Variants in MALT1 observed in about 807,000 individuals in gnomAD.
The protein encoded by MALT1 is mucosa-associated lymphoid tissue lymphoma translocation protein 1.
In MALT1, 36 loss-of-function variants were observed where a neutral mutation model predicts 85.5. That is an observed-to-expected ratio of 0.42 (90% CI 0.32 to 0.56). The LOEUF is 0.56. Ranked by LOEUF, MALT1 falls within the 20% of genes least tolerant of loss-of-function variation. The probability of loss-of-function intolerance (pLI) is 0.10; values close to 1 mark genes in which losing one functional copy is unlikely to be tolerated. For missense variants in MALT1, 716 were observed against 981.6 expected (o/e 0.73, Z 3.62); for synonymous variants, 359 against 361.3 (o/e 0.99, Z 0.07).
In MALT1 at chr18:58,747,673, G is replaced by GTAATGTTAC; in HGVS notation, c.2307_2315dup (p.Asn770_Thr772dup). On this transcript the variant is annotated inframe_insertion, in exon 17 of 17. Transcript: ENST00000649217. ...TACCATTCACATCCTGGTAATCCAA[G>GTAATGTTAC]TAATGTTACACCAGCAGATAGCTGT... The GTAATGTTAC allele has an allele frequency of 6.2e-7, 1 of 1,614,216 alleles. No homozygotes were observed. Among genetic ancestry groups the GTAATGTTAC allele is most frequent in the South Asian group, 1.1e-5 (1 of 91,086 alleles).
At chr18:58,698,077 T>C (rs1485059322) in intron 3 of MALT1, among the ~76,000 whole-genome samples, 1 of 148,654 alleles carries the variant, frequency 6.7e-6, no homozygotes, top group African/African-American at 2.5e-5. Flanking sequence ...GTTTTTTTGT[T>C]TTTTTTTTGA....
Position 58,671,472 on chromosome 18 carries a change from T to G in MALT1, c.-172T>G. On this transcript the variant is annotated 5_prime_UTR_variant, in exon 1 of 17. Coordinates refer to ENST00000649217, the MANE Select transcript of MALT1 (RefSeq NM_006785.4). The stretch of plus-strand genomic sequence containing the variant: ...GGCCAGGCTCCCCTCGGCAAACCTG[T>G]CTAATTGGGGCGGGGAGCGGAGCTT... The G allele has an allele frequency of 7.5e-6, 3 of 401,410 alleles. No individual in the cohort carries two copies. Among genetic ancestry groups the G allele is most frequent in the Non-Finnish European group, 1.2e-5 (3 of 241,226 alleles). 24.9% of individuals were successfully genotyped at this position (401,410 alleles called of 1,614,324 possible). A position where few individuals can be genotyped will look rare whatever the true frequency, so the allele number is the denominator to read the frequency against.
At chr18:58,690,633 C>T (rs1423732663) in intron 2 of MALT1, 1 of 162,158 alleles carries the variant, frequency 6.2e-6, no homozygotes, top group Admixed American at 6.4e-5. Flanking sequence ...CGTTCACGAC[C>T]CTGGGACCCT....
chr18:58,708,942 G>A (rs779368201), intron 4 of MALT1, among the ~76,000 whole-genome samples: 1 of 152,198 alleles, frequency 6.6e-6, no homozygotes, highest in Non-Finnish European at 1.5e-5. Flanking sequence ...TTCAGTGCGG[G>A]TTACAAAACT....
intron 7 of MALT1, among the ~76,000 whole-genome samples, chr18:58,712,427 T>C (rs2054843286): frequency 6.6e-6 from 1 of 152,218 alleles, no homozygotes; most frequent in African/African-American, 2.4e-5. Context: ...ACAGTCATTA[T>C]GTTAAGTGAA....
Position 58,742,699 on chromosome 18 carries a change from C to T in MALT1, c.1753+685C>T, listed in dbSNP as rs143741663. On this transcript the variant is annotated intron_variant, in intron 14 of 16. Transcript: ENST00000649217. ...CTGCACTCCAGTCTGGGCGACAGAG[C>T]GAGACTCTGTCTCGAAAAGAAAAAG... is the stretch of plus-strand genomic sequence containing the variant. Among the ~76,000 whole-genome samples, 234 of 152,100 alleles carry T rather than the reference C, an allele frequency of 1.5e-3. 1 individual carries two copies. The highest frequency in any genetic ancestry group is 0.015 in the East Asian group (75 of 5,162).
chr18:58,677,001 AAGT>A (rs2054250167), intron 1 of MALT1, among the ~76,000 whole-genome samples: 1 of 152,212 alleles, frequency 6.6e-6, no homozygotes. Flanking sequence ...TATTTTTAAA[AAGT>A]AAAGTACATT....
At chr18:58,675,975 TC>T (rs369632363) in intron 1 of MALT1, among the ~76,000 whole-genome samples, 1 of 152,226 alleles carries the variant, frequency 6.6e-6, no homozygotes, top group African/African-American at 2.4e-5. Flanking sequence ...AACTTCGAAT[TC>T]ATTCCTGACT....
intron 3 of MALT1, among the ~76,000 whole-genome samples, chr18:58,699,931 G>T (rs1322737354): frequency 6.6e-6 from 1 of 152,186 alleles, no homozygotes; most frequent in Admixed American, 6.5e-5. Flanking sequence ...GATATTGTTT[G>T]GTTAAGGAGT....
rs1322120711 is a variant in MALT1, at chr18:58,671,539, C to T, written c.-105C>T. 4 of 698,388 alleles carry T rather than the reference C, an allele frequency of 5.7e-6. No individual in the cohort carries two copies. The highest frequency in any genetic ancestry group is 1.9e-5 in the African/African-American group (1 of 53,634). The allele number at this position is 698,388 out of a possible 1,614,324, so 43.3% of individuals were successfully genotyped here. The stretch of plus-strand genomic sequence containing the variant: ...TGCCGCGCTGCCAGATTTGTTCTTC[C>T]GCCCCTGCCTCCGCGGCTCGGAGGC... On this transcript the variant is annotated 5_prime_UTR_variant, in exon 1 of 17. Coordinates refer to ENST00000649217, the MANE Select transcript of MALT1 (RefSeq NM_006785.4).
intron 8 of MALT1, 32 bp downstream of exon 8, chr18:58,714,141 A>C: frequency 8.6e-7 from 1 of 1,159,302 alleles, no homozygotes. Context: ...CTTTAGTTTT[A>C]GATTTTTAAG....
At chr18:58,702,834 A>G (rs181313238) in intron 4 of MALT1, among the ~76,000 whole-genome samples, 2 of 152,322 alleles carry the variant, frequency 1.3e-5, no homozygotes, top group East Asian at 1.9e-4. Context: ...TTTTAGTGCA[A>G]TAACTAGCAT....
intron 14 of MALT1, among the ~76,000 whole-genome samples, chr18:58,743,987 T>C (rs1011767379): frequency 4.0e-5 from 6 of 151,488 alleles, no homozygotes; most frequent in Non-Finnish European, 7.4e-5. Flanking sequence ...GTTAACAGAA[T>C]GGTTAAAGGT....
At chr18:58,723,274 T>C in intron 10 of MALT1, 23 bp downstream of exon 10, 1 of 1,542,642 alleles carries the variant, frequency 6.5e-7, no homozygotes, top group Non-Finnish European at 8.9e-7. Context: ...TAATGTTTGT[T>C]TTTACAATTA....
In MALT1 at chr18:58,751,593, C is replaced by T. The variant is rs1568162023; in HGVS notation, c.*3751C>T. 2.0e-5 allele frequency: 3 copies of T among 152,040 alleles called. No individual in the cohort carries two copies. The highest frequency in any genetic ancestry group is 6.6e-5 in the Admixed American group (1 of 15,264). The allele number at this position is 152,040 out of a possible 1,614,324, so 9.4% of individuals were successfully genotyped here. A position where few individuals can be genotyped will look rare whatever the true frequency, so the allele number is the denominator to read the frequency against. On this transcript the variant is annotated 3_prime_UTR_variant, in exon 17 of 17. Coordinates refer to ENST00000649217, the MANE Select transcript of MALT1 (RefSeq NM_006785.4). ...TTGGTCTTCTTTTTTATCAACCATGCTTTTATTTTACTTGAATCTCGTGCC... is the reference window on the plus strand; with the variant it reads ...TTGGTCTTCTTTTTTATCAACCATGTTTTTATTTTACTTGAATCTCGTGCC...
At position 58,717,463 on chromosome 18, in the gene MALT1, G is replaced by A. The variant is rs79716178; in HGVS notation, c.1018+1496G>A. ...AGAGGCTAAAGAAAATGGAAGCAAG[G>A]TCTTACAAGTCTGATCTACAAGTGA... On this transcript the variant is annotated intron_variant, in intron 9 of 16. Coordinates refer to ENST00000649217, the MANE Select transcript of MALT1 (RefSeq NM_006785.4). Among the ~76,000 whole-genome samples, 23 of 152,212 alleles carry A rather than the reference G, an allele frequency of 1.5e-4. No homozygotes were observed. In the East Asian group the frequency reaches 4.4e-3, roughly 29 times the overall value.
At chr18:58,672,188 T>G in intron 1 of MALT1, 3 of 220,120 alleles carry the variant, frequency 1.4e-5, no homozygotes, top group East Asian at 9.4e-5. Context: ...AGGGGACCCC[T>G]AGGATGGGGC....
rs1038116182 is a variant in MALT1, at chr18:58,709,673, T to C, written c.828+117T>C. 9 of 898,502 alleles carry C rather than the reference T, an allele frequency of 1.0e-5. No individual in the cohort carries two copies. In the African/African-American group the frequency reaches 1.6e-4, roughly 16 times the overall value. The allele number at this position is 898,502 out of a possible 1,614,324, so 55.7% of individuals were successfully genotyped here. ...CTTTCAGATGTTTTAATGTTTTCAGTATTTTTATTTAAAGTCCCTTATGAT... is the reference window on the plus strand; with the variant it reads ...CTTTCAGATGTTTTAATGTTTTCAGCATTTTTATTTAAAGTCCCTTATGAT... On this transcript the variant is annotated intron_variant, in intron 5 of 16. Transcript: ENST00000649217.
chr18:58,746,623 G>T (rs796859311), intron 16 of MALT1, among the ~76,000 whole-genome samples: 1 of 152,068 alleles, frequency 6.6e-6, no homozygotes, highest in Non-Finnish European at 1.5e-5. Flanking sequence ...CTCTTAAAAA[G>T]TTAGCCCATT....
Sources: allele counts gnomAD v4.1 joint callset (sites outside exome capture counted in the v4.1 genomes callset), GRCh38; gene constraint gnomAD v4.1.1; transcripts MANE v1.5; gene names NCBI Gene and HGNC (gene_info 2026-07-23, HGNC 2026-07-21).